CUL2: variants seen among roughly 807,000 people sequenced by gnomAD.
The protein encoded by CUL2 is cullin-2.
In CUL2, 22 loss-of-function variants were observed where a neutral mutation model predicts 110.2. The observed-to-expected ratio is 0.20, with a 90% CI of 0.14 to 0.28. The LOEUF is 0.28. Among genes scored for constraint, CUL2 ranks in the 10% least tolerant of loss-of-function variants. The probability of loss-of-function intolerance (pLI) is 1.00; values close to 1 mark genes in which losing one functional copy is unlikely to be tolerated. For missense variants in CUL2, 631 were observed against 905.5 expected (o/e 0.70, Z 3.89); for synonymous variants, 279 against 293.2 (o/e 0.95, Z 0.49).
In CUL2 at chr10:35,074,324, C is replaced by T. The variant is rs180999540; in HGVS notation, c.-22-2985G>A. 1,096 of 774,948 alleles carry T rather than the reference C, an allele frequency of 1.4e-3. 3 individuals carry two copies. The highest frequency in any genetic ancestry group is 6.2e-3 in the Middle Eastern group (28 of 4,514). 48.0% of individuals were successfully genotyped at this position (774,948 alleles called of 1,614,324 possible). The stretch of plus-strand genomic sequence containing the variant: ...CTTCCTCTCCTCCTGGTACTCCCTA[C>T]TGTGACATCATAATCTAGGAACTTC... On this transcript the variant is annotated intron_variant, in intron 1 of 20. Transcript: ENST00000374749.
At chr10:35,015,938 TTACAATTATTC>T (rs1180209927) in intron 18 of CUL2, among the ~76,000 whole-genome samples, 6 of 152,208 alleles carry the variant, frequency 3.9e-5, no homozygotes, top group African/African-American at 1.4e-4. Flanking sequence ...GGCAATTCTT[TTACAATTATTC>T]AATAAGCTGT....
chr10:35,119,159 A>C (rs184812529), intron 1 of CUL2, among the ~76,000 whole-genome samples: 3 of 152,254 alleles, frequency 2.0e-5, no homozygotes, highest in Non-Finnish European at 4.4e-5. Context: ...CGAACAAATA[A>C]CATTCAAAGT....
In CUL2 at chr10:35,033,287, A is replaced by G. The variant is rs200046265; in HGVS notation, c.1003-14T>C. On this transcript the variant is annotated splice_polypyrimidine_tract_variant and intron_variant, in intron 10 of 20. Transcript: ENST00000374749. ...TAGTGTTGGCATCTAAAAATGAAAT[A>G]TAAGTACAAAACCACATTTTAAGAG... 1.9e-3 allele frequency: 3,024 copies of G among 1,566,290 alleles called. 9 individuals carry two copies. Among genetic ancestry groups the G allele is most frequent in the Non-Finnish European group, 2.1e-3 (2,369 of 1,136,894 alleles).
intron 2 of CUL2, among the ~76,000 whole-genome samples, chr10:35,098,667 A>G (rs573584147): frequency 2.8e-4 from 42 of 152,352 alleles, no homozygotes; most frequent in African/African-American, 9.9e-4. Flanking sequence ...ACAGTGGCTC[A>G]TGCCTGTAAT....
chr10:35,105,577 G>A (rs1439168579), intron 1 of CUL2, among the ~76,000 whole-genome samples: 1 of 144,810 alleles, frequency 6.9e-6, no homozygotes, highest in Non-Finnish European at 1.5e-5. Context: ...GTGTGGTGGC[G>A]GGCGCCTGTA....
chr10:35,012,594 C>T (rs1368897072), intron 19 of CUL2, among the ~76,000 whole-genome samples: 1 of 152,136 alleles, frequency 6.6e-6, no homozygotes, highest in Non-Finnish European at 1.5e-5. Context: ...GCAGACCATG[C>T]CACATTAAGA....
At chr10:35,078,142 T>A (rs1398433481) in intron 1 of CUL2, among the ~76,000 whole-genome samples, 1 of 152,188 alleles carries the variant, frequency 6.6e-6, no homozygotes, top group Admixed American at 6.6e-5. Context: ...CTGTGAGTTT[T>A]AGGTTTCCAA....
chr10:35,064,875 G>A (rs926932152), intron 2 of CUL2, among the ~76,000 whole-genome samples: 7 of 152,036 alleles, frequency 4.6e-5, no homozygotes, highest in Non-Finnish European at 7.4e-5. Context: ...AAAATCTACT[G>A]GAAGGATTTG....
chr10:35,034,180 T>G (rs2085556685), intron 10 of CUL2, among the ~76,000 whole-genome samples: 1 of 152,254 alleles, frequency 6.6e-6, no homozygotes, highest in Admixed American at 6.5e-5. Context: ...TATTCACTTA[T>G]GTTTCCATCT....
At chr10:35,122,659 C>G (rs2135150840) in intron 1 of CUL2, among the ~76,000 whole-genome samples, 1 of 151,940 alleles carries the variant, frequency 6.6e-6, no homozygotes, top group South Asian at 2.1e-4. Context: ...TTTTTTTGAG[C>G]TAGAGTCTTG....
chr10:35,082,553 T>G (rs1212038207), intron 1 of CUL2, among the ~76,000 whole-genome samples: 1 of 152,166 alleles, frequency 6.6e-6, no homozygotes, highest in Admixed American at 6.5e-5. Flanking sequence ...ACGGTTAAAA[T>G]GGTAAATTTT....
At chr10:35,054,368 G>A in intron 5 of CUL2, 66 bp downstream of exon 5, 1 of 828,700 alleles carries the variant, frequency 1.2e-6, no homozygotes, top group Non-Finnish European at 1.9e-6. Flanking sequence ...AAAATGATGT[G>A]CAATCAAATT....
At chr10:35,087,487 T>C (rs1331069588) in intron 1 of CUL2, among the ~76,000 whole-genome samples, 1 of 152,142 alleles carries the variant, frequency 6.6e-6, no homozygotes, top group Non-Finnish European at 1.5e-5. Flanking sequence ...CTCCTTAACC[T>C]CTAAGTTCCA....
intron 2 of CUL2, among the ~76,000 whole-genome samples, chr10:35,099,058 A>T (rs1183330776): frequency 6.6e-6 from 1 of 152,184 alleles, no homozygotes; most frequent in Non-Finnish European, 1.5e-5. Flanking sequence ...CAAATGGACT[A>T]AAAGACGTAG....
chr10:35,101,565 A>G (rs149993702), intron 1 of CUL2, among the ~76,000 whole-genome samples: 192 of 152,352 alleles, frequency 1.3e-3, no homozygotes, highest in Non-Finnish European at 2.4e-3. Flanking sequence ...TTCCTGCTGT[A>G]GAACCCCTGA....
At chr10:35,043,648 T>G (rs996567727) in intron 8 of CUL2, among the ~76,000 whole-genome samples, 6 of 152,240 alleles carry the variant, frequency 3.9e-5, no homozygotes, top group Non-Finnish European at 8.8e-5. Flanking sequence ...AAAACCTGGC[T>G]AGAAGTTCTA....
At chr10:35,021,187 T>C (rs2085171699) in intron 17 of CUL2, among the ~76,000 whole-genome samples, 1 of 151,994 alleles carries the variant, frequency 6.6e-6, no homozygotes, top group African/African-American at 2.4e-5. Context: ...ATGGTGACAA[T>C]TTTATTCCAT....
chr10:35,047,234 A>G (rs908948332), intron 6 of CUL2, among the ~76,000 whole-genome samples: 2 of 152,032 alleles, frequency 1.3e-5, no homozygotes, highest in Admixed American at 1.3e-4. Context: ...CCCTACCTCA[A>G]CCTCCATATT....
At chr10:35,083,315 A>G (rs1369706646) in intron 1 of CUL2, among the ~76,000 whole-genome samples, 8 of 152,228 alleles carry the variant, frequency 5.3e-5, no homozygotes, top group Non-Finnish European at 1.2e-4. Flanking sequence ...TTTTGAATAC[A>G]CAAACACACA....
Sources: gnomAD v4.1 joint callset for allele counts (sites outside exome capture counted in the v4.1 genomes callset) on GRCh38, gnomAD v4.1.1 for gene constraint, MANE v1.5 for transcripts, NCBI Gene and HGNC (gene_info 2026-07-23, HGNC 2026-07-21) for gene names.